The following SLC2A2 variants were observed in gnomAD, a reference collection of about 807,000 sequenced individuals.
SLC2A2 encodes the protein solute carrier family 2 member 2.
A neutral mutation model predicts 54.5 loss-of-function variants in SLC2A2; 36 were observed. That is an observed-to-expected ratio of 0.66 (90% CI 0.51 to 0.87). The LOEUF (loss-of-function observed/expected upper bound fraction) is 0.87. Among genes scored for constraint, SLC2A2 ranks in the 40% least tolerant of loss-of-function variants. SLC2A2 has a pLI of 0.00. For missense variants in SLC2A2, 543 were observed against 624.3 expected (o/e 0.87, Z 1.39); for synonymous variants, 223 against 219.1 (o/e 1.02, Z -0.16).
chr3:171,017,095 G>A (rs1006472392), intron 2 of SLC2A2, among the ~76,000 whole-genome samples: 1 of 151,910 alleles, frequency 6.6e-6, no homozygotes, highest in Non-Finnish European at 1.5e-5. Context: ...CAGGTGATCC[G>A]CCAACCTCAG....
chr3:171,005,774 C>T (rs886550653), intron 6 of SLC2A2, among the ~76,000 whole-genome samples, 169 bp downstream of exon 6: 4 of 151,976 alleles, frequency 2.6e-5, no homozygotes, highest in African/African-American at 9.7e-5. Context: ...TTTCTGGTTT[C>T]GGCTTAAGTG....
rs1441265226 is a variant in SLC2A2, at chr3:170,996,805, C to A, written c.*1098G>T. The A allele has an allele frequency of 5.1e-6, 2 of 394,424 alleles. No individual in the cohort carries two copies. Among genetic ancestry groups the A allele is most frequent in the African/African-American group, 4.1e-5 (2 of 48,478 alleles). The allele number at this position is 394,424 out of a possible 1,614,324, so 24.4% of individuals were successfully genotyped here. On this transcript the variant is annotated 3_prime_UTR_variant, in exon 11 of 11. Coordinates refer to ENST00000314251, the MANE Select transcript of SLC2A2 (RefSeq NM_000340.2). ...TTTATGTTAGGAACACACCATAAAA[C>A]AATCAGTCTTTCCAGGAAAATTAAA...
At chr3:171,013,515 C>T (rs1158840567) in intron 3 of SLC2A2, among the ~76,000 whole-genome samples, 1 of 151,814 alleles carries the variant, frequency 6.6e-6, no homozygotes, top group African/African-American at 2.4e-5. Context: ...ATAAAAGCTC[C>T]AGTATAAGAG....
chr3:171,014,806 T>C, intron 2 of SLC2A2, 75 bp from the exon 3 acceptor site: 1 of 1,221,110 alleles, frequency 8.2e-7, no homozygotes, highest in Non-Finnish European at 1.2e-6. Flanking sequence ...AAAGTGTTTG[T>C]TACGTGTTTA....
intron 4 of SLC2A2, among the ~76,000 whole-genome samples, chr3:171,007,953 A>AT (rs1459896340): frequency 1.3e-5 from 2 of 152,162 alleles, no homozygotes; most frequent in Non-Finnish European, 2.9e-5. Context: ...AATACAAAAC[A>AT]TTGGAAAGCA....
intron 1 of SLC2A2, among the ~76,000 whole-genome samples, chr3:171,019,448 CA>C (rs1716351898): frequency 6.6e-6 from 1 of 152,006 alleles, no homozygotes; most frequent in Non-Finnish European, 1.5e-5. Context: ...CCCAACTCCC[CA>C]ACTCCATGTA....
intron 1 of SLC2A2, among the ~76,000 whole-genome samples, chr3:171,024,157 A>G (rs942449340): frequency 1.1e-4 from 16 of 152,336 alleles, no homozygotes; most frequent in African/African-American, 3.8e-4. Flanking sequence ...TAGTTAATGC[A>G]TAGGATTACT....
At chr3:171,005,151 A>G (rs1460076373) in intron 7 of SLC2A2, 134 bp downstream of exon 7, 5 of 767,680 alleles carry the variant, frequency 6.5e-6, no homozygotes, top group East Asian at 2.5e-5. Context: ...TGCTTACTCA[A>G]TGTACGTTTG....
At chr3:171,009,817 T>G in intron 4 of SLC2A2, 141 bp downstream of exon 4, 1 of 1,194,238 alleles carries the variant, frequency 8.4e-7, no homozygotes, top group Non-Finnish European at 1.2e-6. Context: ...TTCAACTTTA[T>G]GCTATTGCCT....
chr3:171,007,795 C>T (rs999971242), intron 4 of SLC2A2, among the ~76,000 whole-genome samples: 3 of 151,784 alleles, frequency 2.0e-5, no homozygotes, highest in South Asian at 2.1e-4. Flanking sequence ...TGACGAGGGG[C>T]GAGGGGAGGT....
In SLC2A2 at chr3:171,005,140, A is replaced by G. The variant is rs2108242874; in HGVS notation, c.963+145T>C. On this transcript the variant is annotated intron_variant, in intron 7 of 10. Coordinates refer to ENST00000314251, the MANE Select transcript of SLC2A2 (RefSeq NM_000340.2). ...AACTTTTGAAGCAAAATGGAAATTA[A>G]TGCTTACTCAATGTACGTTTGTTAT... 5.6e-6 allele frequency: 4 copies of G among 718,588 alleles called. No individual in the cohort carries two copies. In the East Asian group the frequency reaches 1.1e-4, roughly 19 times the overall value. 44.5% of individuals were successfully genotyped at this position (718,588 alleles called of 1,614,324 possible).
intron 3 of SLC2A2, 80 bp downstream of exon 3, chr3:171,014,389 G>T (rs1423412530): frequency 1.4e-6 from 2 of 1,460,178 alleles, no homozygotes; most frequent in Non-Finnish European, 1.9e-6. Flanking sequence ...CAAGAAGAAA[G>T]ATAATATTTT....
chr3:171,009,609 C>T (rs1715778241), intron 4 of SLC2A2, among the ~76,000 whole-genome samples: 1 of 152,000 alleles, frequency 6.6e-6, no homozygotes, highest in African/African-American at 2.4e-5. Flanking sequence ...CTATGCGGAA[C>T]GTTTTACATA....
At chr3:171,005,856 T>C in intron 6 of SLC2A2, 87 bp downstream of exon 6, 2 of 1,327,916 alleles carry the variant, frequency 1.5e-6, no homozygotes, top group Non-Finnish European at 2.2e-6. Flanking sequence ...TTACATTTAA[T>C]CACCAACTTC....
At position 170,997,702 on chromosome 3, in the gene SLC2A2, A is replaced by T. The variant is rs1203922445; in HGVS notation, c.*201T>A. On this transcript the variant is annotated 3_prime_UTR_variant, in exon 11 of 11. Transcript: ENST00000314251. The stretch of plus-strand genomic sequence containing the variant: ...ATAAACTAGCCTTTTTGGTTTACTT[A>T]ATTACAGTCTTACCATCAAAAATAT... 8.6e-6 allele frequency: 5 copies of T among 584,396 alleles called. No homozygotes were observed. The highest frequency in any genetic ancestry group is 3.7e-5 in the African/African-American group (2 of 53,450). The allele number at this position is 584,396 out of a possible 1,614,324, so 36.2% of individuals were successfully genotyped here. A position where few individuals can be genotyped will look rare whatever the true frequency, so the allele number is the denominator to read the frequency against.
intron 7 of SLC2A2, among the ~76,000 whole-genome samples, chr3:171,004,598 T>C (rs1020496676): frequency 4.0e-5 from 6 of 151,874 alleles, no homozygotes; most frequent in African/African-American, 1.4e-4. Flanking sequence ...GGTGTTTTTT[T>C]TTTTTTAATC....
At chr3:171,018,660 G>A in intron 1 of SLC2A2, 37 bp from the exon 2 acceptor site, 1 of 1,426,098 alleles carries the variant, frequency 7.0e-7, no homozygotes, top group Non-Finnish European at 9.9e-7. Context: ...GAAACACCAG[G>A]CAATTTTAGT....
chr3:171,002,059 A>G (rs2108238267), intron 8 of SLC2A2, among the ~76,000 whole-genome samples: 1 of 152,034 alleles, frequency 6.6e-6, no homozygotes, highest in South Asian at 2.1e-4. Flanking sequence ...ATGGCTTAAT[A>G]CCATTTGCTG....
chr3:171,025,699 T>TCA lies in SLC2A2; in HGVS notation c.15+955_15+956dup, dbSNP rs1716656142. ...GCCATCTAATGACATGAAGGAATGT[T>TCA]CAGCAGAGTAAGTTGCACCAGATGA... On this transcript the variant is annotated intron_variant, in intron 1 of 10. Transcript: ENST00000314251. 2.0e-5 allele frequency among the ~76,000 whole-genome samples: 3 copies of TCA among 152,292 alleles called. No individual in the cohort carries two copies. In the South Asian group the frequency reaches 6.2e-4, roughly 32 times the overall value.
Sources: allele counts gnomAD v4.1 joint callset (sites outside exome capture counted in the v4.1 genomes callset), GRCh38; gene constraint gnomAD v4.1.1; transcripts MANE v1.5; gene names NCBI Gene and HGNC (gene_info 2026-07-23, HGNC 2026-07-21).